CDH13: variants seen among roughly 807,000 people sequenced by gnomAD.
The protein encoded by CDH13 is cadherin 13, also known as cadherin-13.
A neutral mutation model predicts 63.8 loss-of-function variants in CDH13; 24 were observed. That is an observed-to-expected ratio of 0.38 (90% CI 0.27 to 0.53). CDH13 has a LOEUF of 0.53. CDH13 is among the 20% of genes least tolerant of loss of function. The pLI is 0.85. For synonymous variants in CDH13, 503 were observed against 355.3 expected (o/e 1.42, Z -4.67); for missense variants, 1,049 against 903.1 (o/e 1.16, Z -2.07).
intron 4 of CDH13, among the ~76,000 whole-genome samples, chr16:83,214,250 C>G (rs929750792): frequency 1.3e-5 from 2 of 151,948 alleles, no homozygotes; most frequent in African/African-American, 4.8e-5. Context: ...TTCCAGAGCA[C>G]TTCTCTTCTG....
chr16:83,706,424 A>G (rs1907064176), intron 10 of CDH13, among the ~76,000 whole-genome samples: 1 of 152,192 alleles, frequency 6.6e-6, no homozygotes, highest in South Asian at 2.1e-4. Context: ...CGTCAGAAAT[A>G]TTAGCATGGC....
At chr16:83,401,351 A>C (rs1368296772) in intron 6 of CDH13, among the ~76,000 whole-genome samples, 1 of 150,764 alleles carries the variant, frequency 6.6e-6, no homozygotes, top group African/African-American at 2.4e-5. Flanking sequence ...AAAAAAAAAA[A>C]GAAAAAAGAT....
chr16:83,323,478 A>G (rs2090286631), intron 5 of CDH13, among the ~76,000 whole-genome samples: 1 of 134,598 alleles, frequency 7.4e-6, no homozygotes, highest in Non-Finnish European at 1.6e-5. Context: ...ATACGGTTTC[A>G]CCATGTTTGC....
chr16:82,666,542 C>T (rs1912606884), intron 1 of CDH13, among the ~76,000 whole-genome samples: 1 of 152,202 alleles, frequency 6.6e-6, no homozygotes, highest in Non-Finnish European at 1.5e-5. Flanking sequence ...AAAGCACACA[C>T]TTTGAAGCCA....
rs1027398827 is a variant in CDH13 at position 82,747,775 on chromosome 16, A to G, written c.46-110587A>G. Among the ~76,000 whole-genome samples the G allele has an allele frequency of 9.2e-5, 14 of 152,230 alleles. 1 individual carries two copies. Among genetic ancestry groups the G allele is most frequent in the African/African-American group, 3.4e-4 (14 of 41,460 alleles). ...CTGCATAATGCGAATGTTGTGAAGTATGTCAACTCTTGGGATTTAGGAATA... is the reference window on the plus strand; with the variant it reads ...CTGCATAATGCGAATGTTGTGAAGTGTGTCAACTCTTGGGATTTAGGAATA... On this transcript the variant is annotated intron_variant, in intron 1 of 13. Coordinates refer to ENST00000567109, the MANE Select transcript of CDH13 (RefSeq NM_001257.5).
chr16:83,426,270 T>C (rs1376421118), intron 6 of CDH13, among the ~76,000 whole-genome samples: 1 of 152,212 alleles, frequency 6.6e-6, no homozygotes, highest in Non-Finnish European at 1.5e-5. Flanking sequence ...TCCTGTCTCC[T>C]TTCAGCATTT....
chr16:82,930,628 G>A (rs1020812630), intron 2 of CDH13, among the ~76,000 whole-genome samples: 1 of 152,006 alleles, frequency 6.6e-6, no homozygotes, highest in Non-Finnish European at 1.5e-5. Context: ...TTGCAGTCGA[G>A]GTTTGTAATT....
At chr16:83,044,726 C>G (rs1421141033) in intron 3 of CDH13, among the ~76,000 whole-genome samples, 1 of 152,190 alleles carries the variant, frequency 6.6e-6, no homozygotes, top group African/African-American at 2.4e-5. Flanking sequence ...GACAGTGAGA[C>G]TCAGAGGTGG....
At position 83,273,391 on chromosome 16, in the gene CDH13, A is replaced by G. The variant is rs778256823; in HGVS notation, c.636+55894A>G. ...TTTTGTTCCCGTCTTAGTGTCTATG[A>G]GTGAGTACTCATAGACATAGTAGTG... On this transcript the variant is annotated intron_variant, in intron 5 of 13. Coordinates refer to ENST00000567109, the MANE Select transcript of CDH13 (RefSeq NM_001257.5). Among the ~76,000 whole-genome samples the G allele has an allele frequency of 4.3e-4, 65 of 152,086 alleles. 1 individual carries two copies. The highest frequency in any genetic ancestry group is 4.2e-4 in the South Asian group (2 of 4,810).
At chr16:83,386,042 C>A (rs550246187) in intron 6 of CDH13, among the ~76,000 whole-genome samples, 1 of 152,312 alleles carries the variant, frequency 6.6e-6, no homozygotes, top group East Asian at 1.9e-4. Flanking sequence ...TCAATGTTCT[C>A]CATCTCAGTT....
At chr16:83,502,832 G>C (rs965266303) in intron 7 of CDH13, among the ~76,000 whole-genome samples, 6 of 152,208 alleles carry the variant, frequency 3.9e-5, no homozygotes, top group Admixed American at 2.0e-4. Flanking sequence ...TGTTCTAACA[G>C]AGGCACAGTC....
intron 6 of CDH13, among the ~76,000 whole-genome samples, chr16:83,426,854 C>T (rs1259144027): frequency 6.6e-6 from 1 of 150,508 alleles, no homozygotes; most frequent in African/African-American, 2.4e-5. Flanking sequence ...ACAGTAATGG[C>T]CCCCCAAATA....
At chr16:82,991,934 A>C (rs986550187) in intron 2 of CDH13, among the ~76,000 whole-genome samples, 1 of 152,198 alleles carries the variant, frequency 6.6e-6, no homozygotes, top group Admixed American at 6.5e-5. Context: ...TCCATTAATC[A>C]AAAAGAAGGT....
intron 6 of CDH13, among the ~76,000 whole-genome samples, chr16:83,375,617 G>C (rs770338842): frequency 6.6e-6 from 1 of 152,174 alleles, no homozygotes; most frequent in South Asian, 2.1e-4. Context: ...GAAGAGAGAT[G>C]GGTAAATATC....
chr16:82,818,224 T>C (rs181929722), intron 1 of CDH13, among the ~76,000 whole-genome samples: 2 of 152,244 alleles, frequency 1.3e-5, no homozygotes, highest in Admixed American at 6.5e-5. Flanking sequence ...TTTGCTGCCA[T>C]TGTTTCTGTT....
Position 83,475,667 on chromosome 16 carries a change from C to T in CDH13, c.782-10810C>T, listed in dbSNP as rs562818627. ...TGTGATCTCGGCTCCCTGCAGCCTT[C>T]GCCTCTCGTGTTCAAGCAGTTCTCA... On this transcript the variant is annotated intron_variant, in intron 6 of 13. Transcript: ENST00000567109. Among the ~76,000 whole-genome samples, 292 of 150,988 alleles carry T rather than the reference C, an allele frequency of 1.9e-3. 1 individual carries two copies. The highest frequency in any genetic ancestry group is 7.0e-3 in the African/African-American group (286 of 41,072).
chr16:83,433,915 G>A lies in CDH13; in HGVS notation c.782-52562G>A, dbSNP rs1410415875. 2.0e-5 allele frequency among the ~76,000 whole-genome samples: 3 copies of A among 152,060 alleles called. No homozygotes were observed. In the South Asian group the frequency reaches 6.2e-4, roughly 32 times the overall value. On this transcript the variant is annotated intron_variant, in intron 6 of 13. Transcript: ENST00000567109. ...CTAAAAATATGAATTATGCTTAGTGGCTCGTTGGAAAGTATTTCCTTTGCG... is the reference window on the plus strand; with the variant it reads ...CTAAAAATATGAATTATGCTTAGTGACTCGTTGGAAAGTATTTCCTTTGCG...
chr16:83,545,356 T>C (rs1007488569), intron 7 of CDH13, among the ~76,000 whole-genome samples: 2 of 152,204 alleles, frequency 1.3e-5, no homozygotes, highest in African/African-American at 4.8e-5. Flanking sequence ...CAAATTATGT[T>C]CCTCTCTCCA....
chr16:82,772,377 T>A (rs1031811578), intron 1 of CDH13, among the ~76,000 whole-genome samples: 4 of 152,092 alleles, frequency 2.6e-5, no homozygotes, highest in Admixed American at 6.5e-5. Flanking sequence ...AGGGACAGCA[T>A]CTACTGCAGC....
Sources: allele counts gnomAD v4.1 joint callset (sites outside exome capture counted in the v4.1 genomes callset), GRCh38; gene constraint gnomAD v4.1.1; transcripts MANE v1.5; gene names NCBI Gene and HGNC (gene_info 2026-07-23, HGNC 2026-07-21).